QRFPR: variants seen among roughly 807,000 people sequenced by gnomAD.
The protein encoded by QRFPR is pyroglutamylated RFamide peptide receptor, also known as pyroglutamylated RF-amide peptide receptor.
Under a neutral mutation model 31.3 loss-of-function variants are expected in QRFPR, and 37 were observed. The observed-to-expected ratio is 1.18, with a 90% CI of 0.91 to 1.56. The LOEUF is 1.56. QRFPR is among the 40% of genes most tolerant of loss of function. The pLI, the probability that QRFPR is intolerant of heterozygous loss-of-function variation, is 0.00. For synonymous variants in QRFPR, 197 were observed against 192.0 expected (o/e 1.03, Z -0.22); for missense variants, 542 against 532.5 (o/e 1.02, Z -0.18).
chr4:121,379,964 G>C (rs1726439611), intron 1 of QRFPR, among the ~76,000 whole-genome samples: 1 of 152,002 alleles, frequency 6.6e-6, no homozygotes, highest in Non-Finnish European at 1.5e-5. Flanking sequence ...AAGTGGCGAG[G>C]GGTGCGACTT....
intron 1 of QRFPR, among the ~76,000 whole-genome samples, chr4:121,377,304 C>T (rs1298314921): frequency 6.6e-6 from 1 of 152,126 alleles, no homozygotes; most frequent in East Asian, 1.9e-4. Context: ...CTTTTGTCGC[C>T]GTTGCTTCCT....
At chr4:121,374,680 A>G (rs1726317737) in intron 1 of QRFPR, among the ~76,000 whole-genome samples, 1 of 152,136 alleles carries the variant, frequency 6.6e-6, no homozygotes, top group South Asian at 2.1e-4. Flanking sequence ...CTCCCAGATG[A>G]TTTACTACAT....
At chr4:121,344,455 A>G (rs1463421582) in intron 1 of QRFPR, among the ~76,000 whole-genome samples, 4 of 152,148 alleles carry the variant, frequency 2.6e-5, no homozygotes, top group Admixed American at 1.3e-4. Flanking sequence ...TGCCCTATTC[A>G]TTACTTCTGA....
At position 121,354,163 on chromosome 4, in the gene QRFPR, T is replaced by G. The variant is rs530494504; in HGVS notation, c.341-13553A>C. On this transcript the variant is annotated intron_variant, in intron 1 of 5. Coordinates refer to ENST00000394427, the MANE Select transcript of QRFPR (RefSeq NM_198179.3). ...CGTGCGGTTTTTCCACCTTTGTTCT[T>G]TTTGCTCGGGATGGCTTTGGCTATT... is the stretch of plus-strand genomic sequence containing the variant. 9.2e-5 allele frequency among the ~76,000 whole-genome samples: 14 copies of G among 152,258 alleles called. 1 individual carries two copies. The highest frequency in any genetic ancestry group is 3.4e-4 in the African/African-American group (14 of 41,566).
chr4:121,354,443 G>GT (rs1284955194), intron 1 of QRFPR, among the ~76,000 whole-genome samples: 1 of 151,598 alleles, frequency 6.6e-6, no homozygotes, highest in Non-Finnish European at 1.5e-5. Flanking sequence ...GGTTCTGATA[G>GT]TTTTTTGGTG....
At chr4:121,356,923 G>A (rs749704996) in intron 1 of QRFPR, among the ~76,000 whole-genome samples, 2 of 152,160 alleles carry the variant, frequency 1.3e-5, no homozygotes, top group Middle Eastern at 6.8e-3. Context: ...AGGGCTGAGA[G>A]GGGGTCTATT....
chr4:121,373,627 T>C (rs921692160), intron 1 of QRFPR, among the ~76,000 whole-genome samples: 5 of 152,326 alleles, frequency 3.3e-5, no homozygotes, highest in Admixed American at 6.5e-5. Flanking sequence ...TTCTGAAATA[T>C]CATAGAAAAA....
At chr4:121,363,167 A>G (rs1726023659) in intron 1 of QRFPR, among the ~76,000 whole-genome samples, 1 of 149,868 alleles carries the variant, frequency 6.7e-6, no homozygotes, top group Non-Finnish European at 1.5e-5. Flanking sequence ...TCTACTAAAG[A>G]TACAAAAAAT....
Position 121,380,903 on chromosome 4 carries a change from C to A in QRFPR, c.-256G>T. On this transcript the variant is annotated 5_prime_UTR_variant, in exon 1 of 6. Transcript: ENST00000394427. ...GATCTCAGTGACCAAAAAATGTTCG[C>A]GGTTCAAATAAAGTTCTTCCCTTGC... 1 of 483,276 alleles carries A rather than the reference C, an allele frequency of 2.1e-6. No individual in the cohort carries two copies. The highest frequency in any genetic ancestry group is 3.6e-6 in the Non-Finnish European group (1 of 275,590). 29.9% of individuals were successfully genotyped at this position (483,276 alleles called of 1,614,324 possible).
chr4:121,332,866 G>A lies in QRFPR; in HGVS notation c.752C>T (p.Ser251Leu). 6.2e-7 allele frequency: 1 copy of A among 1,614,054 alleles called. No homozygotes were observed. The highest frequency in any genetic ancestry group is 1.1e-5 in the South Asian group (1 of 91,080). The change falls in exon 4 of 6, where the codon TCA becomes TTA. Residue 251 changes from serine to leucine, a missense_variant. Transcript: ENST00000394427. ...LWIKKRVGDG[S>L]VLRTIHGKEM... Reference sequence around the variant, plus strand: ...TTTTCCATGAATAGTTCGAAGCACTGAACCATCCCCAACTCTTTTCTTTAT... The same window carrying A: ...TTTTCCATGAATAGTTCGAAGCACTAAACCATCCCCAACTCTTTTCTTTAT...
intron 1 of QRFPR, among the ~76,000 whole-genome samples, chr4:121,350,965 C>T (rs1314401354): frequency 2.0e-5 from 3 of 152,050 alleles, no homozygotes; most frequent in East Asian, 3.8e-4. Flanking sequence ...TTCATTTATT[C>T]GTTTGTTTTG....
Position 121,336,863 on chromosome 4 carries a change from C to T in QRFPR, c.505G>A (p.Val169Ile). The change falls in exon 3 of 6, where the codon GTC (valine) becomes ATC (isoleucine). Residue 169 changes from valine (V) to isoleucine (I), a missense_variant. By Grantham distance (29) the Val-to-Ile change is conservative. Coordinates refer to ENST00000394427, the MANE Select transcript of QRFPR (RefSeq NM_198179.3). ...CCTACGATGACTGCCACCAGCCAGA[C>T]CACACCTGTAAAAGTGTTAAAGTCA... ...NRRAFTMLGV[V>I]WLVAVIVGSP... 1 of 1,614,020 alleles carries T rather than the reference C, an allele frequency of 6.2e-7. No homozygotes were observed. The highest frequency in any genetic ancestry group is 8.5e-7 in the Non-Finnish European group (1 of 1,179,886).
At chr4:121,342,661 T>A (rs1725564139) in intron 1 of QRFPR, among the ~76,000 whole-genome samples, 1 of 152,168 alleles carries the variant, frequency 6.6e-6, no homozygotes, top group Non-Finnish European at 1.5e-5. Flanking sequence ...TTTTATTATT[T>A]ATTTACCCCT....
chr4:121,335,904 A>G lies in QRFPR; in HGVS notation c.561+903T>C, dbSNP rs562630758. Among the ~76,000 whole-genome samples the G allele has an allele frequency of 3.3e-5, 5 of 152,064 alleles. No individual in the cohort carries two copies. In the South Asian group the frequency reaches 1.0e-3, roughly 32 times the overall value. Reference sequence around the variant, plus strand: ...GAGGACTAAAAAAGTCCTTAGATGCATTTTTCCAGGTAGCAAGGGATAAAA... The same window carrying G: ...GAGGACTAAAAAAGTCCTTAGATGCGTTTTTCCAGGTAGCAAGGGATAAAA... On this transcript the variant is annotated intron_variant, in intron 3 of 5. Coordinates refer to ENST00000394427, the MANE Select transcript of QRFPR (RefSeq NM_198179.3).
intron 2 of QRFPR, among the ~76,000 whole-genome samples, chr4:121,338,939 G>A (rs1725486232): frequency 6.6e-6 from 1 of 152,050 alleles, no homozygotes; most frequent in Admixed American, 6.5e-5. Flanking sequence ...ATCCCCACAT[G>A]CTGTTTTCAG....
intron 1 of QRFPR, among the ~76,000 whole-genome samples, chr4:121,379,353 G>A (rs187302475): frequency 6.6e-6 from 1 of 152,284 alleles, no homozygotes; most frequent in African/African-American, 2.4e-5. Flanking sequence ...AGAAATAGCA[G>A]AGATTGAAGG....
At chr4:121,365,659 ATATATTT>A (rs1307213788) in intron 1 of QRFPR, among the ~76,000 whole-genome samples, 1 of 24,212 alleles carries the variant, frequency 4.1e-5, no homozygotes, top group African/African-American at 1.8e-4. Context: ...TATATATTAT[ATATATTT>A]TATATATTAT....
At chr4:121,369,826 G>T in intron 1 of QRFPR, 1 of 1,156,818 alleles carries the variant, frequency 8.6e-7, no homozygotes, top group Non-Finnish European at 1.3e-6. Flanking sequence ...TGCTTGGGGT[G>T]GACAGGGCTG....
At chr4:121,349,553 T>C (rs1236213018) in intron 1 of QRFPR, among the ~76,000 whole-genome samples, 1 of 152,200 alleles carries the variant, frequency 6.6e-6, no homozygotes, top group Non-Finnish European at 1.5e-5. Flanking sequence ...AGCTTGTTCT[T>C]GATTTATGAA....
Sources: gnomAD v4.1 joint callset for allele counts (sites outside exome capture counted in the v4.1 genomes callset) on GRCh38, gnomAD v4.1.1 for gene constraint, MANE v1.5 for transcripts, NCBI Gene and HGNC (gene_info 2026-07-23, HGNC 2026-07-21) for gene names.